NAGS: variants seen among roughly 807,000 people sequenced by gnomAD.
The protein encoded by NAGS is N-acetylglutamate synthase, mitochondrial.
NAGS carries 34 observed loss-of-function variants against 46.9 expected under a neutral mutation model. That is an observed-to-expected ratio of 0.72 (90% CI 0.55 to 0.97). The LOEUF (loss-of-function observed/expected upper bound fraction) is 0.97. Among genes scored for constraint, NAGS ranks in the 50% least tolerant of loss-of-function variants. The pLI is 0.00. For missense variants in NAGS, 665 were observed against 747.0 expected, an observed-to-expected ratio of 0.89 and a Z score of 1.28; for synonymous variants, 334 against 346.3, an observed-to-expected ratio of 0.96 and a Z score of 0.39.
rs1422268987 is a variant in NAGS, at chr17:44,005,010, G to A, written c.347G>A (p.Ser116Asn). ...GCCTTCCTGAACCAGTGCGGGGCCA[G>A]CCCTGGGGAGGCGCGCCACTGGCTC... ...IQAFLNQCGA[S>N]PGEARHWLTQ... The change falls in exon 1 of 7, where the codon AGC becomes AAC. Residue 116 changes from serine (S) to asparagine (N), a missense_variant. Ser to Asn is a conservative substitution (Grantham distance 46, BLOSUM62 1). Coordinates refer to ENST00000293404, the MANE Select transcript of NAGS (RefSeq NM_153006.3). This position sits in a 1 kb window ranked among gnomAD's most constrained non-coding sequence, Gnocchi z 7.2. 1.9e-6 allele frequency: 3 copies of A among 1,557,530 alleles called. No individual in the cohort carries two copies. The highest frequency in any genetic ancestry group is 1.4e-5 in the African/African-American group (1 of 73,860).
Position 44,005,966 on chromosome 17 carries a change from C to T in NAGS, c.701+55C>T. The T allele has an allele frequency of 6.4e-7, 1 of 1,554,886 alleles. No homozygotes were observed. The highest frequency in any genetic ancestry group is 8.7e-7 in the Non-Finnish European group (1 of 1,153,754). ...CCTCAGAGCGTGCTACTCTGCCCGC[C>T]CTGCCCCGTCCGGCAGGCCTGGAGG... On this transcript the variant is annotated intron_variant, in intron 2 of 6. Coordinates refer to ENST00000293404, the MANE Select transcript of NAGS (RefSeq NM_153006.3). The surrounding 1 kb of genome is among the most constrained non-coding windows in gnomAD (Gnocchi z 7.2).
Position 44,008,688 on chromosome 17 carries a change from C to G in NAGS, c.*87C>G. 1 of 1,565,082 alleles carries G rather than the reference C, an allele frequency of 6.4e-7. No individual in the cohort carries two copies. Among genetic ancestry groups the G allele is most frequent in the Non-Finnish European group, 8.8e-7 (1 of 1,137,826 alleles). On this transcript the variant is annotated 3_prime_UTR_variant, in exon 7 of 7. Transcript: ENST00000293404. Reference sequence around the variant, plus strand: ...GGGCATGACCCCAGGCAGCCAGCCACAGGCTGAAGGGGGCTTGTTGGCTGA... The same window carrying G: ...GGGCATGACCCCAGGCAGCCAGCCAGAGGCTGAAGGGGGCTTGTTGGCTGA...
In NAGS at chr17:44,005,589, A is replaced by G; in HGVS notation, c.427-48A>G. ...CCCTGCAGGCCAGGCTGTGGGAGCC[A>G]GCGGCTCAGGTCCGTGTCACGCTCC... is the stretch of plus-strand genomic sequence containing the variant. On this transcript the variant is annotated intron_variant, in intron 1 of 6. Transcript: ENST00000293404. This position sits in a 1 kb window ranked among gnomAD's most constrained non-coding sequence, Gnocchi z 7.2. 1 of 1,592,084 alleles carries G rather than the reference A, an allele frequency of 6.3e-7. No homozygotes were observed. Among genetic ancestry groups the G allele is most frequent in the Non-Finnish European group, 8.5e-7 (1 of 1,170,456 alleles).
At position 44,006,313 on chromosome 17, in the gene NAGS, C is replaced by T. The variant is rs2049090832; in HGVS notation, c.915+76C>T. ...TTGCGCCCCTCGCACTTCTCCCCGA[C>T]GGGCCGCAGACTCACTAGCAAGCCG... is the stretch of plus-strand genomic sequence containing the variant. On this transcript the variant is annotated intron_variant, in intron 3 of 6. Transcript: ENST00000293404. The surrounding 1 kb of genome is among the most constrained non-coding windows in gnomAD (Gnocchi z 4.8). 6.5e-7 allele frequency: 1 copy of T among 1,548,302 alleles called. No homozygotes were observed. Among genetic ancestry groups the T allele is most frequent in the African/African-American group, 1.4e-5 (1 of 73,606 alleles).
rs1479848132 is a variant in NAGS, at chr17:44,005,549, G to A, written c.427-88G>A. 1 of 1,537,084 alleles carries A rather than the reference G, an allele frequency of 6.5e-7. No homozygotes were observed. On this transcript the variant is annotated intron_variant, in intron 1 of 6. Transcript: ENST00000293404. The surrounding 1 kb of genome is among the most constrained non-coding windows in gnomAD (Gnocchi z 7.2). ...GGTCCTGACAGCTTCTGGAAGGGTA[G>A]GGTCACCGAGACGGCCCTGCAGGCC...
rs2143990754 is a variant in NAGS at position 44,007,606 on chromosome 17, C to T, written c.1284C>T (p.Ala428=). 1.9e-6 allele frequency: 3 copies of T among 1,608,844 alleles called. No individual in the cohort carries two copies. Among genetic ancestry groups the T allele is most frequent in the African/African-American group, 1.3e-5 (1 of 74,898 alleles). The change falls in exon 6 of 7, where the codon GCC becomes GCT. Residue 428 remains alanine, a synonymous_variant. Coordinates refer to ENST00000293404, the MANE Select transcript of NAGS (RefSeq NM_153006.3). This position sits in a 1 kb window ranked among gnomAD's most constrained non-coding sequence, Gnocchi z 5.1. ...GCTGCGCCAGGTACAACGCCGCCGC[C>T]ATTCTGACCATGGAGCCCGTCCTGG... ...IYVSEGYNAA[A]ILTMEPVLGG...
At position 44,006,902 on chromosome 17, in the gene NAGS, G is replaced by C; in HGVS notation, c.1096+193G>C. ...AGAGAGGAGGAGACCCAGTGTACTG[G>C]AAGGGAACTCCGAAGGAATTAAAGG... On this transcript the variant is annotated intron_variant, in intron 4 of 6. Coordinates refer to ENST00000293404, the MANE Select transcript of NAGS (RefSeq NM_153006.3). This position sits in a 1 kb window ranked among gnomAD's most constrained non-coding sequence, Gnocchi z 4.8. 1.8e-6 allele frequency: 1 copy of C among 549,694 alleles called. No individual in the cohort carries two copies. Among genetic ancestry groups the C allele is most frequent in the South Asian group, 2.1e-5 (1 of 47,290 alleles). 34.1% of individuals were successfully genotyped at this position (549,694 alleles called of 1,614,324 possible).
intron 6 of NAGS, 28 bp from the exon 7 acceptor site, chr17:44,008,418 CTG>C: frequency 6.2e-7 from 1 of 1,614,008 alleles, no homozygotes; most frequent in Non-Finnish European, 8.5e-7. Flanking sequence ...GCCCTAAAAA[CTG>C]TTTCCTACAT....
Position 44,004,763 on chromosome 17 carries a change from G to T in NAGS, c.100G>T (p.Gly34Cys). The T allele has an allele frequency of 7.1e-7, 1 of 1,398,944 alleles. No individual in the cohort carries two copies. Among genetic ancestry groups the T allele is most frequent in the Non-Finnish European group, 9.2e-7 (1 of 1,082,676 alleles). 86.7% of individuals were successfully genotyped at this position (1,398,944 alleles called of 1,614,324 possible). Reference sequence around the variant, plus strand: ...TGGGGGCGCCCGAAGGCTGAGCTGTGGCGCGCGGCGGCGGGCGGCGAGGGG... The same window carrying T: ...TGGGGGCGCCCGAAGGCTGAGCTGTTGCGCGCGGCGGCGGGCGGCGAGGGG... Reference protein sequence around the residue: ...GTGGARRLSCGARRRAARGTS... With the variant: ...GTGGARRLSCCARRRAARGTS... The change falls in exon 1 of 7, where the codon GGC (glycine) becomes TGC (cysteine). Residue 34 changes from glycine (G) to cysteine (C), a missense_variant. Physicochemically the swap from Gly to Cys is radical, Grantham distance 159. Transcript: ENST00000293404.
In NAGS at chr17:44,006,549, G is replaced by A. The variant is rs780597835; in HGVS notation, c.936G>A (p.Leu312=). 6.4e-6 allele frequency: 10 copies of A among 1,559,520 alleles called. No individual in the cohort carries two copies. The highest frequency in any genetic ancestry group is 4.8e-5 in the East Asian group (2 of 41,758). Residue 312 remains leucine, a synonymous_variant, in exon 4 of 7, where the codon CTG becomes CTA. Transcript: ENST00000293404. The surrounding 1 kb of genome is among the most constrained non-coding windows in gnomAD (Gnocchi z 4.8). ...SSHKVLSNVN[L]PADLDLVCNA... ...CACAGGTCCTGAGTAACGTGAACCT[G>A]CCCGCCGACCTGGACCTGGTGTGCA...
Position 44,007,637 on chromosome 17 carries a change from A to G in NAGS, c.1315A>G (p.Thr439Ala). The G allele has an allele frequency of 6.2e-7, 1 of 1,603,554 alleles. No homozygotes were observed. The highest frequency in any genetic ancestry group is 8.5e-7 in the Non-Finnish European group (1 of 1,175,140). The stretch of plus-strand genomic sequence containing the variant: ...GACCATGGAGCCCGTCCTGGGGGGC[A>G]CCCCGTACCTGGACAAATTTGTGGT... ...ILTMEPVLGGTPYLDKFVVSS... is the reference protein window; with the variant it reads ...ILTMEPVLGGAPYLDKFVVSS... The change falls in exon 6 of 7, where the codon ACC (threonine) becomes GCC (alanine). Residue 439 changes from threonine to alanine, a missense_variant. By Grantham distance (58) the Thr-to-Ala change is moderately conservative. Transcript: ENST00000293404. The surrounding 1 kb of genome is among the most constrained non-coding windows in gnomAD (Gnocchi z 5.1).
chr17:44,008,359 A>T, intron 6 of NAGS, 89 bp from the exon 7 acceptor site: 5 of 1,512,680 alleles, frequency 3.3e-6, no homozygotes, highest in Non-Finnish European at 4.6e-6. Flanking sequence ...GTAGGTCCTC[A>T]ATCAATGTTT....
In NAGS at chr17:44,005,844, G is replaced by A; in HGVS notation, c.634G>A (p.Ala212Thr). ...GGTAGACGCGCTTCGACACAACGCCGCCGCTGCTGTGCCATTTTTTGGCGG... is the reference window on the plus strand; with the variant it reads ...GGTAGACGCGCTTCGACACAACGCCACCGCTGCTGTGCCATTTTTTGGCGG... Reference protein sequence around the residue: ...VLVDALRHNAAAAVPFFGGGS... With the variant: ...VLVDALRHNATAAVPFFGGGS... The change falls in exon 2 of 7, where the codon GCC becomes ACC. Residue 212 changes from alanine to threonine, a missense_variant. Physicochemically the swap from Ala to Thr is moderately conservative, Grantham distance 58 (BLOSUM62 0). Transcript: ENST00000293404. This position sits in a 1 kb window ranked among gnomAD's most constrained non-coding sequence, Gnocchi z 7.2. 3 of 1,563,768 alleles carry A rather than the reference G, an allele frequency of 1.9e-6. No homozygotes were observed. Among genetic ancestry groups the A allele is most frequent in the Middle Eastern group, 1.7e-4 (1 of 5,926 alleles).
At position 44,004,868 on chromosome 17, in the gene NAGS, G is replaced by C; in HGVS notation, c.205G>C (p.Val69Leu). ...PPEEYAGADD[V>L]SQSPVAEEPS... ...CGAGGAGTACGCGGGCGCGGACGAC[G>C]TCTCCCAGTCGCCCGTCGCCGAGGA... The change falls in exon 1 of 7, where the codon GTC (valine) becomes CTC (leucine). Residue 69 changes from valine to leucine, a missense_variant. Transcript: ENST00000293404. 6.5e-7 allele frequency: 1 copy of C among 1,530,644 alleles called. No homozygotes were observed. Among genetic ancestry groups the C allele is most frequent in the Non-Finnish European group, 8.7e-7 (1 of 1,144,916 alleles). 94.8% of individuals were successfully genotyped at this position (1,530,644 alleles called of 1,614,324 possible).
In NAGS at chr17:44,008,942, A is replaced by G. The variant is rs2049128135; in HGVS notation, c.*341A>G. 1.0e-5 allele frequency: 4 copies of G among 387,468 alleles called. No homozygotes were observed. Among genetic ancestry groups the G allele is most frequent in the Non-Finnish European group, 2.0e-5 (4 of 204,938 alleles). 24.0% of individuals were successfully genotyped at this position (387,468 alleles called of 1,614,324 possible). On this transcript the variant is annotated 3_prime_UTR_variant, in exon 7 of 7. Coordinates refer to ENST00000293404, the MANE Select transcript of NAGS (RefSeq NM_153006.3). ...GAGCTAGTTTCTGTGCCTCTGTGCT[A>G]TGTTTTGAGGCTCCCTTACCCAAAA... is the stretch of plus-strand genomic sequence containing the variant.
Position 44,006,086 on chromosome 17 carries a change from T to G in NAGS, c.764T>G (p.Ile255Ser). ...CAGTGGTGCCTGGAGTCGGGCAGCA[T>G]CCCCATCCTGTGCCCCATCGGGGAG... ...LLQWCLESGS[I>S]PILCPIGETA... The change falls in exon 3 of 7, where the codon ATC becomes AGC. Residue 255 changes from isoleucine to serine, a missense_variant. Physicochemically the swap from Ile to Ser is moderately radical, Grantham distance 142 (BLOSUM62 -2). Transcript: ENST00000293404. This position sits in a 1 kb window ranked among gnomAD's most constrained non-coding sequence, Gnocchi z 4.8. 1.9e-6 allele frequency: 3 copies of G among 1,612,190 alleles called. No homozygotes were observed. Among genetic ancestry groups the G allele is most frequent in the Non-Finnish European group, 2.5e-6 (3 of 1,179,674 alleles).
rs1200660440 is a variant in NAGS, at chr17:44,006,934, C to A, written c.1096+225C>A. On this transcript the variant is annotated intron_variant, in intron 4 of 6. Transcript: ENST00000293404. The surrounding 1 kb of genome is among the most constrained non-coding windows in gnomAD (Gnocchi z 4.8). ...ACTCCGAAGGAATTAAAGGAATGGG[C>A]GGGACTAGGGGGGAGAAGGAGGGGC... 8.2e-6 allele frequency: 2 copies of A among 242,838 alleles called. No individual in the cohort carries two copies. The highest frequency in any genetic ancestry group is 7.5e-5 in the South Asian group (2 of 26,684). 15.0% of individuals were successfully genotyped at this position (242,838 alleles called of 1,614,324 possible). A position where few individuals can be genotyped will look rare whatever the true frequency, so the allele number is the denominator to read the frequency against.
rs1427719827 is a variant in NAGS, at chr17:44,006,940, TA to T, written c.1096+232del. On this transcript the variant is annotated intron_variant, in intron 4 of 6. Coordinates refer to ENST00000293404, the MANE Select transcript of NAGS (RefSeq NM_153006.3). The surrounding 1 kb of genome is among the most constrained non-coding windows in gnomAD (Gnocchi z 4.8). The stretch of plus-strand genomic sequence containing the variant: ...AAGGAATTAAAGGAATGGGCGGGAC[TA>T]GGGGGGAGAAGGAGGGGCCCCCCGG... 2 of 376,594 alleles carry T rather than the reference TA, an allele frequency of 5.3e-6. No homozygotes were observed. Among genetic ancestry groups the T allele is most frequent in the Admixed American group, 5.0e-5 (1 of 20,116 alleles). 23.3% of individuals were successfully genotyped at this position (376,594 alleles called of 1,614,324 possible).
Position 44,005,800 on chromosome 17 carries a change from C to T in NAGS, c.590C>T (p.Ala197Val). 1.3e-6 allele frequency: 2 copies of T among 1,585,926 alleles called. No homozygotes were observed. Among genetic ancestry groups the T allele is most frequent in the Admixed American group, 1.8e-5 (1 of 55,064 alleles). ...TTCTGGGAGGCCAAGGCGCAGCTGG[C>T]CAAGAGCTGCAAGGTGCTGGTAGAC... ...LSFWEAKAQL[A>V]KSCKVLVDAL... Residue 197 changes from alanine to valine, a missense_variant, in exon 2 of 7, where the codon GCC becomes GTC. Coordinates refer to ENST00000293404, the MANE Select transcript of NAGS (RefSeq NM_153006.3). This position sits in a 1 kb window ranked among gnomAD's most constrained non-coding sequence, Gnocchi z 7.2.
Sources: allele counts gnomAD v4.1 joint callset, GRCh38; gene constraint gnomAD v4.1.1; non-coding constraint Gnocchi (gnomAD v3.1); transcripts MANE v1.5; gene names NCBI Gene and HGNC (gene_info 2026-07-23, HGNC 2026-07-21).